CHST11: variants seen among roughly 807,000 people sequenced by gnomAD.
CHST11 encodes the protein carbohydrate sulfotransferase 11.
Under a neutral mutation model 30.4 loss-of-function variants are expected in CHST11, and 9 were observed. The observed-to-expected ratio is 0.30, with a 90% CI of 0.18 to 0.52. The LOEUF (loss-of-function observed/expected upper bound fraction) is 0.52. CHST11 is among the 20% of genes least tolerant of loss of function. The probability of loss-of-function intolerance (pLI) is 0.97; values close to 1 mark genes in which losing one functional copy is unlikely to be tolerated. For synonymous variants in CHST11, 152 were observed against 187.8 expected (o/e 0.81, Z 1.56); for missense variants, 348 against 460.6 (o/e 0.76, Z 2.24).
At chr12:104,543,188 G>A (rs980393328) in intron 1 of CHST11, among the ~76,000 whole-genome samples, 1 of 152,156 alleles carries the variant, frequency 6.6e-6, no homozygotes, top group Admixed American at 6.5e-5. Flanking sequence ...GGAGGTGCCA[G>A]GGTCTTTTAA....
At chr12:104,702,481 C>T (rs1385889147) in intron 2 of CHST11, among the ~76,000 whole-genome samples, 1 of 151,854 alleles carries the variant, frequency 6.6e-6, no homozygotes, top group Non-Finnish European at 1.5e-5. Context: ...ACTGATGGGA[C>T]ATGGGAGGAC....
At chr12:104,486,358 T>C (rs943044137) in intron 1 of CHST11, among the ~76,000 whole-genome samples, 1 of 151,912 alleles carries the variant, frequency 6.6e-6, no homozygotes, top group African/African-American at 2.4e-5. Context: ...AGGGCCGCTC[T>C]GTCGAATGGC....
intron 1 of CHST11, among the ~76,000 whole-genome samples, chr12:104,481,718 C>T (rs1469668376): frequency 6.6e-6 from 1 of 152,086 alleles, no homozygotes; most frequent in Non-Finnish European, 1.5e-5. Flanking sequence ...ATTTACTCGT[C>T]TATGACTTGA....
intron 2 of CHST11, among the ~76,000 whole-genome samples, chr12:104,679,133 T>G (rs1464448028): frequency 6.6e-6 from 1 of 152,156 alleles, no homozygotes; most frequent in Non-Finnish European, 1.5e-5. Flanking sequence ...TTCGTAGTAC[T>G]CAGATGAGGA....
chr12:104,702,169 T>C (rs747472912), intron 2 of CHST11, among the ~76,000 whole-genome samples: 2 of 152,232 alleles, frequency 1.3e-5, no homozygotes, highest in Non-Finnish European at 2.9e-5. Context: ...TAATTCACCC[T>C]ACCATCTTAC....
chr12:104,590,891 C>T (rs1342741296), intron 1 of CHST11, among the ~76,000 whole-genome samples: 1 of 151,848 alleles, frequency 6.6e-6, no homozygotes, highest in Non-Finnish European at 1.5e-5. Flanking sequence ...CACTTTACTC[C>T]AGCCTGGGTG....
intron 2 of CHST11, among the ~76,000 whole-genome samples, chr12:104,673,559 G>A (rs186865253): frequency 7.9e-5 from 12 of 152,220 alleles, no homozygotes; most frequent in African/African-American, 2.6e-4. Flanking sequence ...ACAGTGCTTC[G>A]AGTGCTATCT....
intron 2 of CHST11, among the ~76,000 whole-genome samples, chr12:104,634,538 C>G (rs751804743): frequency 7.2e-5 from 11 of 152,234 alleles, no homozygotes; most frequent in Non-Finnish European, 1.3e-4. Context: ...ACGTCTCGCA[C>G]CATTTCCAAA....
chr12:104,610,122 C>T (rs2039046327), intron 2 of CHST11, among the ~76,000 whole-genome samples: 1 of 150,616 alleles, frequency 6.6e-6, no homozygotes, highest in South Asian at 2.1e-4. Flanking sequence ...CATATATGTT[C>T]ACTCAACCTT....
At chr12:104,574,978 GT>G (rs1030617559) in intron 1 of CHST11, among the ~76,000 whole-genome samples, 3 of 152,080 alleles carry the variant, frequency 2.0e-5, no homozygotes, top group Non-Finnish European at 4.4e-5. Context: ...AATCATTTGA[GT>G]TCACTAGTTC....
intron 2 of CHST11, among the ~76,000 whole-genome samples, chr12:104,724,546 G>A (rs895902311): frequency 6.6e-6 from 1 of 152,080 alleles, no homozygotes; most frequent in African/African-American, 2.4e-5. Context: ...TTGCCATGTG[G>A]AAGCATTTGT....
At chr12:104,675,047 T>C (rs1337184415) in intron 2 of CHST11, among the ~76,000 whole-genome samples, 4 of 152,248 alleles carry the variant, frequency 2.6e-5, no homozygotes, top group African/African-American at 9.7e-5. Context: ...TCTTAAGGTA[T>C]ATTTTTACTA....
chr12:104,719,754 A>G (rs1233525957), intron 2 of CHST11, among the ~76,000 whole-genome samples: 1 of 152,120 alleles, frequency 6.6e-6, no homozygotes, highest in Non-Finnish European at 1.5e-5. Context: ...TGGCTGTGGC[A>G]TGGAGGATGG....
chr12:104,463,840 A>G (rs953073720), intron 1 of CHST11, among the ~76,000 whole-genome samples: 36 of 152,168 alleles, frequency 2.4e-4, no homozygotes, highest in Admixed American at 2.4e-3. Context: ...AGGCAAGAAC[A>G]CGCATGGCAA....
intron 1 of CHST11, among the ~76,000 whole-genome samples, chr12:104,559,241 T>G (rs535608693): frequency 6.6e-5 from 10 of 152,344 alleles, no homozygotes; most frequent in African/African-American, 2.4e-4. Flanking sequence ...TTTGTTTTTG[T>G]TTTTCAGTTG....
rs2037952288 is a variant in CHST11, at chr12:104,510,376, G to A, written c.118+52847G>A. Among the ~76,000 whole-genome samples the A allele has an allele frequency of 2.0e-5, 3 of 152,230 alleles. No individual in the cohort carries two copies. In the South Asian group the frequency reaches 6.2e-4, roughly 31 times the overall value. ...ATGGGGGAAGGGTTGGAGACTGTGA[G>A]CTGCTGTTTGCAATTTATGCATGAT... is the stretch of plus-strand genomic sequence containing the variant. On this transcript the variant is annotated intron_variant, in intron 1 of 2. Transcript: ENST00000303694.
intron 1 of CHST11, among the ~76,000 whole-genome samples, chr12:104,560,052 G>A (rs2038498418): frequency 6.6e-6 from 1 of 152,176 alleles, no homozygotes; most frequent in African/African-American, 2.4e-5. Flanking sequence ...AGGGAAGAGT[G>A]TTTGTGGCAG....
At chr12:104,576,496 G>A (rs1211673514) in intron 1 of CHST11, among the ~76,000 whole-genome samples, 1 of 152,184 alleles carries the variant, frequency 6.6e-6, no homozygotes, top group Non-Finnish European at 1.5e-5. Context: ...ATATATATGA[G>A]CCTGTTACTT....
intron 1 of CHST11, among the ~76,000 whole-genome samples, chr12:104,467,120 AATGGTTATTC>A (rs1464101291): frequency 6.6e-6 from 1 of 152,160 alleles, no homozygotes; most frequent in African/African-American, 2.4e-5. Context: ...TTCAGTTGTA[AATGGTTATTC>A]ATTGAAATAT....
Sources: gnomAD v4.1 joint callset for allele counts (sites outside exome capture counted in the v4.1 genomes callset) on GRCh38, gnomAD v4.1.1 for gene constraint, MANE v1.5 for transcripts, NCBI Gene and HGNC (gene_info 2026-07-23, HGNC 2026-07-21) for gene names.